The following HMCN2 variants were observed in gnomAD, a reference collection of about 807,000 sequenced individuals.
HMCN2 encodes the protein hemicentin-2.
In HMCN2, 325 loss-of-function variants were observed where a neutral mutation model predicts 377.5. The ratio of observed to expected loss-of-function variants is 0.86; its 90% confidence interval spans 0.79 to 0.94. The LOEUF is 0.94. Ranked by LOEUF, HMCN2 falls within the 40% of genes least tolerant of loss-of-function variation. HMCN2 has a pLI of 0.00. For synonymous variants in HMCN2, 2,007 were observed against 2,046.8 expected, an observed-to-expected ratio of 0.98 and a Z score of 0.53; for missense variants, 4,543 against 4,725.3, an observed-to-expected ratio of 0.96 and a Z score of 1.13.
intron 15 of HMCN2, among the ~76,000 whole-genome samples, chr9:130,314,427 C>T (rs1473257236): frequency 4.6e-5 from 7 of 152,226 alleles, no homozygotes; most frequent in African/African-American, 1.7e-4. Context: ...CAGCCTGCAT[C>T]ATTCATGTCT....
intron 4 of HMCN2, among the ~76,000 whole-genome samples, chr9:130,286,597 C>T (rs1382809663): frequency 2.0e-5 from 3 of 152,246 alleles, no homozygotes; most frequent in African/African-American, 7.2e-5. Flanking sequence ...TGAGGCTTGA[C>T]GCAGCCCCTT....
rs1034066322 is a variant in HMCN2 at position 130,422,563 on chromosome 9, T to C, written c.13232-14T>C. On this transcript the variant is annotated splice_polypyrimidine_tract_variant and intron_variant, in intron 86 of 97. Transcript: ENST00000683500. This position sits in a 1 kb window ranked among gnomAD's most constrained non-coding sequence, Gnocchi z 4.2. ...GATAGTCAGTGGCACTGTCATTCTT[T>C]CCCTTCCTTACAGGGGAGCCCCAGG... The C allele has an allele frequency of 1.5e-6, 2 of 1,315,546 alleles. No individual in the cohort carries two copies. The highest frequency in any genetic ancestry group is 1.9e-6 in the Non-Finnish European group (2 of 1,025,750). The allele number at this position is 1,315,546 out of a possible 1,614,324, so 81.5% of individuals were successfully genotyped here.
rs1423541065 is a variant in HMCN2, at chr9:130,327,055, CGGGTCA to C, written c.3194-249_3194-244del. Among the ~76,000 whole-genome samples, 805 of 141,436 alleles carry C rather than the reference CGGGTCA, an allele frequency of 5.7e-3. 8 individuals carry two copies. The highest frequency in any genetic ancestry group is 0.019 in the African/African-American group (768 of 39,404). The allele number at this position is 141,436 out of a possible 152,430, so 92.8% of individuals were successfully genotyped here. A position where few individuals can be genotyped will look rare whatever the true frequency, so the allele number is the denominator to read the frequency against. On this transcript the variant is annotated intron_variant, in intron 21 of 97. Transcript: ENST00000683500. ...GCACAGACCGTAGGGCAGGAGGGACCGGGTCAGGGTCCTCAGAGCAAGGTGGTGGTG... is the reference window on the plus strand; with the variant it reads ...GCACAGACCGTAGGGCAGGAGGGACCGGGTCCTCAGAGCAAGGTGGTGGTG...
At chr9:130,403,120 GCTC>G in intron 78 of HMCN2, 71 bp from the exon 79 acceptor site, 1 of 1,224,162 alleles carries the variant, frequency 8.2e-7, no homozygotes, top group African/African-American at 1.6e-5. Flanking sequence ...TCTCTCTGAT[GCTC>G]CGAGGCCCGC....
chr9:130,368,072 G>A (rs1378986542), intron 43 of HMCN2, among the ~76,000 whole-genome samples: 1 of 152,018 alleles, frequency 6.6e-6, no homozygotes, highest in Non-Finnish European at 1.5e-5. Context: ...GAGAAGCCTA[G>A]GGGGATGGGG....
chr9:130,368,581 G>T (rs1051040252), intron 44 of HMCN2, 144 bp downstream of exon 44: 1 of 249,238 alleles, frequency 4.0e-6, no homozygotes, highest in African/African-American at 2.3e-5. Context: ...GTGTGAGTCC[G>T]TTCTCACACT....
chr9:130,365,034 C>A, intron 41 of HMCN2, 145 bp downstream of exon 41: 1 of 369,338 alleles, frequency 2.7e-6, no homozygotes, highest in Non-Finnish European at 3.8e-6. Flanking sequence ...TTCCTCGGGG[C>A]CTCCCTCAGG....
chr9:130,340,224 C>G (rs955361447), intron 23 of HMCN2, among the ~76,000 whole-genome samples: 2 of 152,244 alleles, frequency 1.3e-5, no homozygotes, highest in South Asian at 4.1e-4. Context: ...GAGGGAAGGA[C>G]GGGGCAGCGG....
chr9:130,384,342 C>T, intron 57 of HMCN2, 31 bp from the exon 58 acceptor site: 1 of 1,271,754 alleles, frequency 7.9e-7, no homozygotes, highest in Non-Finnish European at 1.0e-6. Context: ...GATTCTCATG[C>T]CTTTCTCTAC....
chr9:130,402,996 C>T (rs1842927336), intron 78 of HMCN2, 100 bp downstream of exon 78: 2 of 1,041,092 alleles, frequency 1.9e-6, no homozygotes, highest in Non-Finnish European at 2.6e-6. Context: ...GGCCCCGGGT[C>T]TCAGAGGCCC....
At position 130,349,620 on chromosome 9, in the gene HMCN2, T is replaced by C; in HGVS notation, c.4387T>C (p.Ser1463Pro). ...GADVELQCWT[S>P]GVPTPQVEWT... ...AGACGTGGAGCTGCAGTGTTGGACC[T>C]CAGGGGTCCCCACGCCCCAGGTGGA... Residue 1463 changes from serine to proline, a missense_variant, in exon 29 of 98, where the codon TCA (serine) becomes CCA (proline). Ser to Pro is a moderately conservative substitution (Grantham distance 74, BLOSUM62 -1). Around this residue, in one of 5 missense-constraint regions of HMCN2, gnomAD observed 1,032 missense variants for 1,285.1 expected, o/e 0.80. Coordinates refer to ENST00000683500, the MANE Select transcript of HMCN2 (RefSeq NM_001291815.2). 1 of 1,303,974 alleles carries C rather than the reference T, an allele frequency of 7.7e-7. No individual in the cohort carries two copies. Among genetic ancestry groups the C allele is most frequent in the Non-Finnish European group, 1.0e-6 (1 of 988,756 alleles). 80.8% of individuals were successfully genotyped at this position (1,303,974 alleles called of 1,614,324 possible). A position where few individuals can be genotyped will look rare whatever the true frequency, so the allele number is the denominator to read the frequency against.
chr9:130,416,724 C>T (rs1843718055), intron 85 of HMCN2, among the ~76,000 whole-genome samples: 1 of 152,124 alleles, frequency 6.6e-6, no homozygotes, highest in African/African-American at 2.4e-5. Flanking sequence ...ATGTGTTCCA[C>T]TTTAGGACAC....
intron 1 of HMCN2, among the ~76,000 whole-genome samples, chr9:130,266,498 T>C (rs1834108247): frequency 6.6e-6 from 1 of 152,250 alleles, no homozygotes; most frequent in African/African-American, 2.4e-5. Flanking sequence ...GAGGCATTCC[T>C]CTCGAGGACT....
rs529042432 is a variant in HMCN2, at chr9:130,360,222, T to C, written c.5774-206T>C. On this transcript the variant is annotated intron_variant, in intron 37 of 97. Coordinates refer to ENST00000683500, the MANE Select transcript of HMCN2 (RefSeq NM_001291815.2). The surrounding 1 kb of genome is among the most constrained non-coding windows in gnomAD (Gnocchi z 4.7). ...TTCTCCAATGCCTGAAAAAATAGTG[T>C]GGTCACCCTGGAAGTTTCTCTTGGG... Among the ~76,000 whole-genome samples, 89 of 152,274 alleles carry C rather than the reference T, an allele frequency of 5.8e-4. No individual in the cohort carries two copies. The highest frequency in any genetic ancestry group is 2.0e-3 in the African/African-American group (83 of 41,540).
At position 130,394,419 on chromosome 9, in the gene HMCN2, A is replaced by C. The variant is rs1196981857; in HGVS notation, c.10536A>C (p.Thr3512=). ...ACATTGAGGACTCAGGCCAGCCTAC[A>C]GAGCTGTCGCTGACCCCCGGCGCCC... ...PPHIEDSGQP[T]ELSLTPGAPM... The change falls in exon 69 of 98, where the codon ACA becomes ACC. Residue 3512 remains threonine, a synonymous_variant. Transcript: ENST00000683500. The surrounding 1 kb of genome is among the most constrained non-coding windows in gnomAD (Gnocchi z 5.1). 1 of 1,289,600 alleles carries C rather than the reference A, an allele frequency of 7.8e-7. No individual in the cohort carries two copies. The highest frequency in any genetic ancestry group is 1.5e-5 in the African/African-American group (1 of 65,876). 79.9% of individuals were successfully genotyped at this position (1,289,600 alleles called of 1,614,324 possible).
chr9:130,281,668 C>T (rs1388344654), intron 1 of HMCN2, among the ~76,000 whole-genome samples: 2 of 150,968 alleles, frequency 1.3e-5, no homozygotes, highest in Non-Finnish European at 1.5e-5. Context: ...CTGAGGCGGG[C>T]GGATCACCTG....
At chr9:130,379,165 G>A in intron 53 of HMCN2, 84 bp from the exon 54 acceptor site, 1 of 360,888 alleles carries the variant, frequency 2.8e-6, no homozygotes, top group Non-Finnish European at 3.9e-6. Context: ...GCTTGGGAGA[G>A]GCTGGGACGA....
chr9:130,329,362 T>A (rs1248871292), intron 22 of HMCN2, among the ~76,000 whole-genome samples: 2 of 152,044 alleles, frequency 1.3e-5, no homozygotes, highest in Admixed American at 1.3e-4. Flanking sequence ...CTGTGGGTGC[T>A]CACCTTTTGT....
chr9:130,427,721 C>T, intron 92 of HMCN2, 102 bp downstream of exon 92: 1 of 1,379,494 alleles, frequency 7.2e-7, no homozygotes, highest in Non-Finnish European at 9.6e-7. Flanking sequence ...GGACACAGAC[C>T]TGCAGGGATG....
Sources: gnomAD v4.1 joint callset for allele counts (sites outside exome capture counted in the v4.1 genomes callset) on GRCh38, gnomAD v4.1.1 for gene constraint, gnomAD v4.1.1 regional missense constraint, Gnocchi (gnomAD v3.1) non-coding constraint, MANE v1.5 for transcripts, NCBI Gene and HGNC (gene_info 2026-07-23, HGNC 2026-07-21) for gene names.